The following TENM2 variants were observed in gnomAD, a reference collection of about 807,000 sequenced individuals.
TENM2 encodes the protein teneurin-2.
A neutral mutation model predicts 245.2 loss-of-function variants in TENM2; 52 were observed. That is an observed-to-expected ratio of 0.21 (90% CI 0.17 to 0.27). The LOEUF (loss-of-function observed/expected upper bound fraction) is 0.27. Among genes scored for constraint, TENM2 ranks in the 10% least tolerant of loss-of-function variants. The pLI, the probability that TENM2 is intolerant of heterozygous loss-of-function variation, is 1.00. For synonymous variants in TENM2, 1,363 were observed against 1,438.9 expected (o/e 0.95, Z 1.19); for missense variants, 3,046 against 3,666.8 (o/e 0.83, Z 4.37).
chr5:167,555,758 C>T (rs905639289), intron 2 of TENM2, among the ~76,000 whole-genome samples: 3 of 152,122 alleles, frequency 2.0e-5, no homozygotes, highest in African/African-American at 7.2e-5. Context: ...GTAAACACAG[C>T]CAATTTCAAT....
chr5:168,025,625 T>G (rs9764066), intron 5 of TENM2, among the ~76,000 whole-genome samples: 24,425 of 152,206 alleles, frequency 0.16, 2,171 homozygotes, highest in East Asian at 0.27. Context: ...TCCTTCCATG[T>G]TCTCTTGACT....
At chr5:168,068,521 A>G (rs899402870) in intron 7 of TENM2, among the ~76,000 whole-genome samples, 15 of 152,290 alleles carry the variant, frequency 9.8e-5, no homozygotes, top group African/African-American at 2.9e-4. Flanking sequence ...ATCTCTGTAT[A>G]TGTATGTTTG....
chr5:166,995,905 C>T, the TENM2 span, among the ~76,000 whole-genome samples: 1 of 148,216 alleles, frequency 6.7e-6, no homozygotes, highest in Non-Finnish European at 1.5e-5. Flanking sequence ...TGAAAAAATA[C>T]GTGTTGAGGG....
intron 2 of TENM2, among the ~76,000 whole-genome samples, chr5:167,454,915 C>A (rs953580647): frequency 2.6e-5 from 4 of 152,102 alleles, no homozygotes; most frequent in African/African-American, 9.7e-5. Context: ...TTGACTAAAC[C>A]AGGGCAAGGG....
At chr5:167,490,299 A>C (rs1277492503) in intron 2 of TENM2, among the ~76,000 whole-genome samples, 3 of 152,170 alleles carry the variant, frequency 2.0e-5, no homozygotes, top group Non-Finnish European at 4.4e-5. Flanking sequence ...TTAGATTTAT[A>C]AAAATTGCAA....
At chr5:167,877,543 C>T (rs1265181431) in intron 3 of TENM2, among the ~76,000 whole-genome samples, 1 of 152,160 alleles carries the variant, frequency 6.6e-6, no homozygotes, top group African/African-American at 2.4e-5. Flanking sequence ...CTTAAAATGA[C>T]ATTACATCAT....
At position 167,690,920 on chromosome 5, in the gene TENM2, A is replaced by AGTGT. The variant is rs1485945921; in HGVS notation, c.503-185064_503-185063insGTGT. ...ATTTGTATATATATCCGTATATGCG[A>AGTGT]GTATGTGTGTGTGTGTGTGTGTGTG... On this transcript the variant is annotated intron_variant, in intron 2 of 28. Transcript: ENST00000518659. 6.8e-4 allele frequency among the ~76,000 whole-genome samples: 93 copies of AGTGT among 136,536 alleles called. 1 individual carries two copies. Among genetic ancestry groups the AGTGT allele is most frequent in the African/African-American group, 2.2e-3 (80 of 36,706 alleles). 89.6% of individuals were successfully genotyped at this position (136,536 alleles called of 152,430 possible). A position where few individuals can be genotyped will look rare whatever the true frequency, so the allele number is the denominator to read the frequency against.
At chr5:167,807,202 CTGTCACCT>C (rs141923485) in intron 2 of TENM2, among the ~76,000 whole-genome samples, 22,800 of 139,778 alleles carry the variant, frequency 0.16, 2,189 homozygotes, top group East Asian at 0.42. Context: ...AAGGGTTTTG[CTGTCACCT>C]CCCAGTAGCT....
intron 12 of TENM2, among the ~76,000 whole-genome samples, chr5:168,158,819 G>A (rs553804667): frequency 0.025 from 1,756 of 69,336 alleles, 42 homozygotes; most frequent in Non-Finnish European, 0.028. Flanking sequence ...GTGTGTGTGT[G>A]TGTGTGTGTG....
rs575303129 is a variant in TENM2 at position 167,780,043 on chromosome 5, T to C, written c.503-95943T>C. ...AGAGAAGGGAGAAGTTCCCAAAGCA[T>C]GGAATAAACAACACTGGTGACACTC... On this transcript the variant is annotated intron_variant, in intron 2 of 28. Transcript: ENST00000518659. Among the ~76,000 whole-genome samples the C allele has an allele frequency of 5.9e-5, 9 of 152,290 alleles. No individual in the cohort carries two copies. The South Asian group carries it at 1.9e-3, about 32-fold the overall frequency.
chr5:168,158,850 T>TA (rs1339051385), intron 12 of TENM2, among the ~76,000 whole-genome samples: 1 of 62,334 alleles, frequency 1.6e-5, no homozygotes, highest in Non-Finnish European at 3.1e-5. Context: ...TATATATATA[T>TA]ACACACACAC....
chr5:167,755,896 G>C (rs993476334), intron 2 of TENM2, among the ~76,000 whole-genome samples: 1 of 152,160 alleles, frequency 6.6e-6, no homozygotes, highest in Non-Finnish European at 1.5e-5. Context: ...GGGTGCTGCT[G>C]TCTCATCAGT....
the TENM2 span, among the ~76,000 whole-genome samples, chr5:167,085,160 G>A: frequency 1.3e-5 from 2 of 152,202 alleles, no homozygotes; most frequent in Non-Finnish European, 2.9e-5. Flanking sequence ...GCTCTGAAGA[G>A]GGGGCAGTTG....
intron 3 of TENM2, among the ~76,000 whole-genome samples, chr5:167,892,043 C>T (rs1292914919): frequency 6.6e-6 from 1 of 152,160 alleles, no homozygotes; most frequent in Non-Finnish European, 1.5e-5. Context: ...ATTCTGTTGT[C>T]AGATGCTGCA....
intron 2 of TENM2, among the ~76,000 whole-genome samples, chr5:167,743,788 A>C (rs930591645): frequency 1.3e-5 from 2 of 152,194 alleles, no homozygotes; most frequent in Non-Finnish European, 2.9e-5. Context: ...ATTAAAAAGA[A>C]AAAGAAAGAA....
intron 5 of TENM2, among the ~76,000 whole-genome samples, chr5:168,034,161 ATG>A (rs200423889): frequency 0.095 from 9,074 of 95,590 alleles, 413 homozygotes; most frequent in East Asian, 0.2. Flanking sequence ...GTATATATAT[ATG>A]TATATATATA....
the TENM2 span, among the ~76,000 whole-genome samples, chr5:167,037,422 A>C: frequency 6.6e-6 from 1 of 152,152 alleles, no homozygotes; most frequent in African/African-American, 2.4e-5. Context: ...GTTTCCACTA[A>C]GTTCTATGAT....
chr5:168,008,600 G>T (rs1465694725), intron 5 of TENM2, among the ~76,000 whole-genome samples: 1 of 152,098 alleles, frequency 6.6e-6, no homozygotes, highest in African/African-American at 2.4e-5. Context: ...CCTGATGAAA[G>T]GGGAAGCCAT....
intron 2 of TENM2, among the ~76,000 whole-genome samples, chr5:167,536,325 A>T (rs948629344): frequency 2.6e-5 from 4 of 152,342 alleles, no homozygotes; most frequent in South Asian, 2.1e-4. Context: ...GCTATTTAGA[A>T]GTCAAGTAAA....
Sources: allele counts gnomAD v4.1 joint callset (sites outside exome capture counted in the v4.1 genomes callset), GRCh38; gene constraint gnomAD v4.1.1; transcripts MANE v1.5; gene names NCBI Gene and HGNC (gene_info 2026-07-23, HGNC 2026-07-21).